Variants in DPYD observed in about 807,000 individuals in gnomAD.
DPYD encodes the protein dihydropyrimidine dehydrogenase, also known as dihydropyrimidine dehydrogenase [NADP(+)].
In DPYD, 109 loss-of-function variants were observed where a neutral mutation model predicts 116.2. That is an observed-to-expected ratio of 0.94 (90% confidence interval 0.80 to 1.10). The LOEUF is 1.10. Ranked by LOEUF, DPYD falls within the 50% of genes least tolerant of loss-of-function variation. DPYD has a pLI of 0.00. For missense variants in DPYD, 1,302 were observed against 1,254.5 expected (o/e 1.04, Z -0.57); for synonymous variants, 440 against 432.0 (o/e 1.02, Z -0.23).
chr1:97,541,683 ATCCTTTTTACAGT>A (rs1339100398), intron 12 of DPYD, among the ~76,000 whole-genome samples: 1 of 152,192 alleles, frequency 6.6e-6, no homozygotes, highest in Non-Finnish European at 1.5e-5. Context: ...GTATGTGTAT[ATCCTTTTTACAGT>A]TTCCCATTTT....
Position 97,578,326 on chromosome 1 carries a change from C to T in DPYD, c.1129-4356G>A, listed in dbSNP as rs560760075. Among the ~76,000 whole-genome samples the T allele has an allele frequency of 2.7e-5, 4 of 150,580 alleles. No homozygotes were observed. The South Asian group carries it at 8.4e-4, about 32-fold the overall frequency. On this transcript the variant is annotated intron_variant, in intron 10 of 22. Coordinates refer to ENST00000370192, the MANE Select transcript of DPYD (RefSeq NM_000110.4). ...TGTTATGACACCCATATATTTGTTACAAAAAAAAAGTATTTAGCTTCAAAC... is the reference window on the plus strand; with the variant it reads ...TGTTATGACACCCATATATTTGTTATAAAAAAAAAGTATTTAGCTTCAAAC...
intron 4 of DPYD, among the ~76,000 whole-genome samples, chr1:97,725,108 CA>C (rs1663170722): frequency 6.6e-6 from 1 of 151,556 alleles, no homozygotes; most frequent in African/African-American, 2.4e-5. Context: ...AGCAAACTTA[CA>C]GGATACAAGA....
At chr1:97,886,328 G>A (rs184664353) in intron 1 of DPYD, among the ~76,000 whole-genome samples, 1 of 152,154 alleles carries the variant, frequency 6.6e-6, no homozygotes, top group East Asian at 2.0e-4. Context: ...GCTACACAGA[G>A]ACAAAACTGC....
At chr1:97,347,022 A>T (rs1035048698) in intron 16 of DPYD, among the ~76,000 whole-genome samples, 1 of 150,532 alleles carries the variant, frequency 6.6e-6, no homozygotes, top group Non-Finnish European at 1.5e-5. Context: ...ATTCTTTTGG[A>T]TATTTTTTAT....
intron 1 of DPYD, among the ~76,000 whole-genome samples, chr1:97,889,687 T>C (rs1456801775): frequency 6.6e-6 from 1 of 151,920 alleles, no homozygotes; most frequent in Non-Finnish European, 1.5e-5. Flanking sequence ...CATTAAACAG[T>C]GGATAGAACA....
At chr1:97,430,108 G>T (rs1028865554) in intron 14 of DPYD, among the ~76,000 whole-genome samples, 3 of 152,010 alleles carry the variant, frequency 2.0e-5, no homozygotes, top group Non-Finnish European at 4.4e-5. Context: ...ATTCAGTTAC[G>T]TTTATTGAGA....
intron 20 of DPYD, among the ~76,000 whole-genome samples, chr1:97,166,117 G>A (rs1408003621): frequency 3.9e-5 from 6 of 152,080 alleles, no homozygotes; most frequent in Non-Finnish European, 8.8e-5. Context: ...CTACCATAAA[G>A]ATACGTGTCC....
At position 97,204,955 on chromosome 1, in the gene DPYD, AG is replaced by A. The variant is rs1659488738; in HGVS notation, c.2443-11708del. On this transcript the variant is annotated intron_variant, in intron 19 of 22. Coordinates refer to ENST00000370192, the MANE Select transcript of DPYD (RefSeq NM_000110.4). ...TTGACCCAGATAATCCTAGATTTAA[AG>A]GGTCCCTTTTGGCCTCCAACTTTAA... 3.3e-5 allele frequency among the ~76,000 whole-genome samples: 5 copies of A among 152,180 alleles called. 1 individual carries two copies. The South Asian group carries it at 1.0e-3, about 32-fold the overall frequency.
At chr1:97,365,486 A>C (rs1001283152) in intron 16 of DPYD, among the ~76,000 whole-genome samples, 5 of 152,216 alleles carry the variant, frequency 3.3e-5, no homozygotes, top group Admixed American at 6.5e-5. Context: ...ATAGTCAACA[A>C]ATACATAGAG....
At chr1:97,831,855 T>C (rs1039541324) in intron 2 of DPYD, among the ~76,000 whole-genome samples, 8 of 151,560 alleles carry the variant, frequency 5.3e-5, no homozygotes, top group African/African-American at 9.7e-5. Flanking sequence ...GCCTAGACAA[T>C]GTGGAGCAAG....
chr1:97,595,115 T>C lies in DPYD; in HGVS notation c.902A>G (p.Gln301Arg), dbSNP rs1361339974. Residue 301 changes from glutamine (Q) to arginine (R), a missense_variant, in exon 9 of 23, where the codon CAG becomes CGG. Coordinates refer to ENST00000370192, the MANE Select transcript of DPYD (RefSeq NM_000110.4). ...AAAGTCTTTGGATGTATAAAACCCC[T>C]GGTCCTGCGTCAGGCCTTGGAAGAT... is the stretch of plus-strand genomic sequence containing the variant. ...DAIFQGLTQD[Q>R]GFYTSKDFLP... 6.2e-7 allele frequency: 1 copy of C among 1,613,766 alleles called. No homozygotes were observed. The highest frequency in any genetic ancestry group is 1.7e-5 in the Admixed American group (1 of 60,018).
At chr1:97,394,231 A>G (rs1023677734) in intron 14 of DPYD, 3 of 152,028 alleles carry the variant, frequency 2.0e-5, no homozygotes, top group African/African-American at 7.2e-5. Flanking sequence ...ATTTTCTCCC[A>G]TTCTGTAGGT....
At chr1:97,584,569 T>A (rs993008170) in intron 10 of DPYD, among the ~76,000 whole-genome samples, 2 of 151,768 alleles carry the variant, frequency 1.3e-5, no homozygotes, top group African/African-American at 2.4e-5. Flanking sequence ...CTTTAATCCA[T>A]CTTGAATTAA....
At chr1:97,422,017 T>C (rs754725405) in intron 14 of DPYD, among the ~76,000 whole-genome samples, 6 of 152,130 alleles carry the variant, frequency 3.9e-5, no homozygotes, top group Non-Finnish European at 7.4e-5. Flanking sequence ...GAAATTGTTG[T>C]TTATTCCTAC....
chr1:97,327,864 C>G (rs1668786023), intron 16 of DPYD, among the ~76,000 whole-genome samples: 1 of 152,066 alleles, frequency 6.6e-6, no homozygotes, highest in South Asian at 2.1e-4. Flanking sequence ...CATTGCCTTG[C>G]TTTTGATGCT....
At chr1:97,384,016 G>C (rs1179283073) in intron 14 of DPYD, among the ~76,000 whole-genome samples, 1 of 152,048 alleles carries the variant, frequency 6.6e-6, no homozygotes, top group African/African-American at 2.4e-5. Flanking sequence ...AGCTGAGATG[G>C]GAGGATCACT....
chr1:97,648,368 G>A (rs551297138), intron 8 of DPYD, among the ~76,000 whole-genome samples: 4 of 152,072 alleles, frequency 2.6e-5, no homozygotes, highest in South Asian at 2.1e-4. Context: ...CAGGTAGACC[G>A]TGTTACTTAC....
At chr1:97,108,345 T>C (rs767646852) in intron 20 of DPYD, among the ~76,000 whole-genome samples, 2 of 152,148 alleles carry the variant, frequency 1.3e-5, no homozygotes, top group Non-Finnish European at 2.9e-5. Flanking sequence ...ACATGATCTA[T>C]GAGGTCCCTC....
At chr1:97,681,692 A>T (rs1448703078) in intron 7 of DPYD, among the ~76,000 whole-genome samples, 1 of 152,168 alleles carries the variant, frequency 6.6e-6, no homozygotes, top group Non-Finnish European at 1.5e-5. Context: ...AATTTATTCT[A>T]ACTTTTAAAT....
Sources: gnomAD v4.1 joint callset for allele counts (sites outside exome capture counted in the v4.1 genomes callset) on GRCh38, gnomAD v4.1.1 for gene constraint, MANE v1.5 for transcripts, NCBI Gene and HGNC (gene_info 2026-07-23, HGNC 2026-07-21) for gene names.